GTF2I: variants seen among roughly 807,000 people sequenced by gnomAD.
GTF2I encodes the protein general transcription factor II-I.
GTF2I carries 12 observed loss-of-function variants against 67.6 expected under a neutral mutation model. The ratio of observed to expected loss-of-function variants is 0.18; its 90% confidence interval spans 0.11 to 0.29. GTF2I has a LOEUF of 0.29. Ranked by LOEUF, GTF2I falls within the 10% of genes least tolerant of loss-of-function variation. The probability of loss-of-function intolerance (pLI) is 1.00; values close to 1 mark genes in which losing one functional copy is unlikely to be tolerated. For synonymous variants in GTF2I, 149 were observed against 197.0 expected (o/e 0.76, Z 2.04); for missense variants, 271 against 580.1 (o/e 0.47, Z 5.47).
intron 12 of GTF2I, among the ~76,000 whole-genome samples, chr7:74,725,366 T>C (rs1420870636): frequency 6.6e-6 from 1 of 152,074 alleles, no homozygotes; most frequent in Non-Finnish European, 1.5e-5. Flanking sequence ...GTTTTTAAAA[T>C]AGAATATATG....
At chr7:74,719,436 T>G (rs1792660634) in intron 12 of GTF2I, among the ~76,000 whole-genome samples, 2 of 152,182 alleles carry the variant, frequency 1.3e-5, no homozygotes, top group Non-Finnish European at 2.9e-5. Flanking sequence ...TTTGAAGCAA[T>G]AGCTACAAAT....
At chr7:74,727,595 G>C (rs1390357848) in intron 12 of GTF2I, 1 of 152,064 alleles carries the variant, frequency 6.6e-6, no homozygotes, top group Non-Finnish European at 1.5e-5. Flanking sequence ...TTTTTTCTAT[G>C]ATACTGTCTT....
intron 1 of GTF2I, among the ~76,000 whole-genome samples, chr7:74,687,734 A>T (rs1410751204): frequency 4.6e-5 from 7 of 152,206 alleles, no homozygotes; most frequent in African/African-American, 1.7e-4. Context: ...ACAGCTCCTC[A>T]GCTGCTTGTC....
intron 12 of GTF2I, among the ~76,000 whole-genome samples, chr7:74,722,065 C>A (rs1343544298): frequency 6.6e-6 from 1 of 151,998 alleles, no homozygotes; most frequent in Non-Finnish European, 1.5e-5. Flanking sequence ...GAAAAAAAAA[C>A]AGAACTTTGT....
At chr7:74,703,011 A>G (rs1366716360) in intron 6 of GTF2I, among the ~76,000 whole-genome samples, 3 of 152,160 alleles carry the variant, frequency 2.0e-5, no homozygotes, top group African/African-American at 7.2e-5. Context: ...TGCTGGGATT[A>G]CAGGCTTGTG....
At chr7:74,710,799 A>G (rs1791446171) in intron 8 of GTF2I, among the ~76,000 whole-genome samples, 2 of 152,238 alleles carry the variant, frequency 1.3e-5, no homozygotes, top group Admixed American at 6.5e-5. Context: ...TGGAGAAAAG[A>G]GCAGCACATA....
intron 1 of GTF2I, among the ~76,000 whole-genome samples, chr7:74,672,729 C>T (rs1805568673): frequency 6.6e-6 from 1 of 152,022 alleles, no homozygotes; most frequent in South Asian, 2.1e-4. Flanking sequence ...GAGAACTTAT[C>T]TTTTCTAAGA....
At chr7:74,694,586 G>C (rs1281995932) in intron 3 of GTF2I, among the ~76,000 whole-genome samples, 1 of 149,742 alleles carries the variant, frequency 6.7e-6, no homozygotes. Flanking sequence ...TGTCTCAAAA[G>C]AAAAAAAAAG....
intron 12 of GTF2I, among the ~76,000 whole-genome samples, chr7:74,722,142 G>A (rs1793090481): frequency 1.3e-5 from 2 of 152,180 alleles, no homozygotes; most frequent in South Asian, 2.1e-4. Context: ...CAATTATGTG[G>A]AGTTCTGAAG....
chr7:74,717,638 T>C (rs1281334489), intron 11 of GTF2I, among the ~76,000 whole-genome samples: 1 of 152,216 alleles, frequency 6.6e-6, no homozygotes, highest in African/African-American at 2.4e-5. Flanking sequence ...GAATTATTTC[T>C]CTCATAAATT....
At chr7:74,726,553 T>C (rs587746377) in intron 12 of GTF2I, 4 of 152,242 alleles carry the variant, frequency 2.6e-5, no homozygotes, top group Admixed American at 6.6e-5. Context: ...CATTTTAAAA[T>C]TGTTTTCTGT....
At chr7:74,724,900 G>A (rs1793561827) in intron 12 of GTF2I, among the ~76,000 whole-genome samples, 1 of 152,112 alleles carries the variant, frequency 6.6e-6, no homozygotes. Flanking sequence ...TGCACTCCCA[G>A]CCTGGGTGAC....
intron 6 of GTF2I, among the ~76,000 whole-genome samples, chr7:74,701,643 A>G (rs1789772974): frequency 6.6e-6 from 1 of 151,766 alleles, no homozygotes; most frequent in Admixed American, 6.6e-5. Context: ...AATTTTTTGT[A>G]TTTTTAGTAG....
At chr7:74,677,674 C>T (rs4464849) in intron 1 of GTF2I, among the ~76,000 whole-genome samples, 7 of 148,510 alleles carry the variant, frequency 4.7e-5, no homozygotes, top group South Asian at 2.1e-4. Context: ...CCTAGCTACT[C>T]GGGAGGCTGA....
chr7:74,705,254 A>G (rs1371226119), intron 7 of GTF2I, 36 bp downstream of exon 7: 6 of 1,271,298 alleles, frequency 4.7e-6, no homozygotes, highest in Non-Finnish European at 6.9e-6. Flanking sequence ...TTTAACTCCC[A>G]CACCTCAAAA....
intron 1 of GTF2I, among the ~76,000 whole-genome samples, chr7:74,670,715 A>AC (rs1402072008): frequency 6.6e-6 from 1 of 151,614 alleles, no homozygotes; most frequent in Non-Finnish European, 1.5e-5. Context: ...AAAAACAAAA[A>AC]AAAAAAACAC....
intron 1 of GTF2I, among the ~76,000 whole-genome samples, chr7:74,668,496 C>G (rs1232290221): frequency 6.6e-6 from 1 of 151,896 alleles, no homozygotes; most frequent in African/African-American, 2.4e-5. Flanking sequence ...TGTATAGGTT[C>G]TATGCTTTTG....
intron 12 of GTF2I, among the ~76,000 whole-genome samples, chr7:74,720,288 T>G (rs1792784537): frequency 6.6e-6 from 1 of 152,216 alleles, no homozygotes; most frequent in Non-Finnish European, 1.5e-5. Context: ...TGGTTTGCTG[T>G]CTGTCTCTCT....
Position 74,723,428 on chromosome 7 carries a change from C to CTTTTT in GTF2I, c.943+4503_943+4507dup, listed in dbSNP as rs58149301. On this transcript the variant is annotated intron_variant, in intron 12 of 34. Coordinates refer to ENST00000573035, the MANE Select transcript of GTF2I (RefSeq NM_032999.4). ...AGGCATAAGCCACCGCTCCCGGCCT[C>CTTTTT]TTTTTTTTTTTTTTTTTTTTAAGAC... 4.4e-4 allele frequency among the ~76,000 whole-genome samples: 27 copies of CTTTTT among 61,070 alleles called. 2 individuals carry two copies. The highest frequency in any genetic ancestry group is 1.1e-3 in the African/African-American group (13 of 12,112). The allele number at this position is 61,070 out of a possible 152,430, so 40.1% of individuals were successfully genotyped here. A position where few individuals can be genotyped will look rare whatever the true frequency, so the allele number is the denominator to read the frequency against.
Sources: allele counts gnomAD v4.1 joint callset (sites outside exome capture counted in the v4.1 genomes callset), GRCh38; gene constraint gnomAD v4.1.1; transcripts MANE v1.5; gene names NCBI Gene and HGNC (gene_info 2026-07-23, HGNC 2026-07-21).